Variants in MID1 observed in about 807,000 individuals in gnomAD.
The protein encoded by MID1 is midline 1.
In MID1, 7 loss-of-function variants were observed where a neutral mutation model predicts 40.4. That is an observed-to-expected ratio of 0.17 (90% CI 0.10 to 0.33). The LOEUF (loss-of-function observed/expected upper bound fraction) is 0.33, where lower values mean the gene tolerates loss of function less well. Among genes scored for constraint, MID1 ranks in the 10% least tolerant of loss-of-function variants. MID1 has a pLI of 1.00. For synonymous variants in MID1, 229 were observed against 221.2 expected, an observed-to-expected ratio of 1.04 and a Z score of -0.31; for missense variants, 367 against 558.5, an observed-to-expected ratio of 0.66 and a Z score of 3.46.
At chrX:10,571,858 C>T in intron 1 of MID1, among the ~76,000 whole-genome samples, 1 of 110,016 alleles carries the variant, frequency 9.1e-6, no homozygotes, top group Non-Finnish European at 1.9e-5. Context: ...CAATGCACTA[C>T]AGCCTGGGCA....
chrX:10,814,136 G>A (rs1214061817), intron 1 of MID1, among the ~76,000 whole-genome samples: 1 of 111,470 alleles, frequency 9.0e-6, no homozygotes, highest in African/African-American at 3.3e-5. Context: ...TTAGCTCACA[G>A]GCCATACAAA....
intron 1 of MID1, among the ~76,000 whole-genome samples, chrX:10,636,785 G>GTATATAT (rs1936117506): frequency 4.7e-5 from 2 of 42,719 alleles, no homozygotes; most frequent in African/African-American, 2.4e-4. Context: ...CAACAATGGG[G>GTATATAT]ATATATATAT....
intron 1 of MID1, among the ~76,000 whole-genome samples, chrX:10,581,746 T>A (rs1935024739): frequency 8.9e-6 from 1 of 112,253 alleles, no homozygotes; most frequent in Non-Finnish European, 1.9e-5. Context: ...AGCATTTTTA[T>A]TCTTAACACT....
At chrX:10,510,246 A>G (rs1487212597) in intron 3 of MID1, among the ~76,000 whole-genome samples, 1 of 111,412 alleles carries the variant, frequency 9.0e-6, no homozygotes, top group African/African-American at 3.3e-5. Context: ...CATAGATCTT[A>G]AGGGACAGTT....
At chrX:10,683,889 G>A (rs1214885639) in intron 1 of MID1, among the ~76,000 whole-genome samples, 1 of 98,389 alleles carries the variant, frequency 1.0e-5, no homozygotes, top group Non-Finnish European at 2.0e-5. Context: ...TCCTGCCTCA[G>A]CCTCATGAGT....
chrX:10,805,228 A>T (rs1337686666), intron 1 of MID1, among the ~76,000 whole-genome samples: 5 of 27,392 alleles, frequency 1.8e-4, no homozygotes, highest in Admixed American at 5.1e-4. Context: ...CCCTCCCCCC[A>T]CCCCACAACA....
chrX:10,551,261 T>G (rs1483831984), intron 2 of MID1, among the ~76,000 whole-genome samples: 1 of 112,503 alleles, frequency 8.9e-6, no homozygotes, highest in Non-Finnish European at 1.9e-5. Flanking sequence ...GGTGGTAGAA[T>G]ACACAGATGT....
chrX:10,701,444 T>C (rs2043193570), intron 1 of MID1, among the ~76,000 whole-genome samples: 1 of 111,638 alleles, frequency 9.0e-6, no homozygotes, highest in African/African-American at 3.3e-5. Context: ...ACCCCCATTG[T>C]CTCTTCCCAA....
chrX:10,565,002 TAAAAAAAA>T (rs5901437), intron 2 of MID1, among the ~76,000 whole-genome samples: 1 of 77,940 alleles, frequency 1.3e-5, no homozygotes, highest in Non-Finnish European at 2.5e-5. Context: ...AAAAAAGGGG[TAAAAAAAA>T]AAAAAAAAAA....
intron 1 of MID1, among the ~76,000 whole-genome samples, chrX:10,619,583 C>T (rs1014594696): frequency 4.4e-5 from 5 of 112,527 alleles, no homozygotes; most frequent in African/African-American, 1.6e-4. Context: ...AAGCTATAAA[C>T]CTCTTCCTGG....
At chrX:10,560,271 G>A (rs1163825145) in intron 2 of MID1, among the ~76,000 whole-genome samples, 2 of 109,654 alleles carry the variant, frequency 1.8e-5, no homozygotes, top group African/African-American at 3.3e-5. Context: ...TTTCACTCTC[G>A]GCAAAAAAAA....
At chrX:10,784,605 C>A (rs1453250362) in intron 1 of MID1, among the ~76,000 whole-genome samples, 1 of 108,710 alleles carries the variant, frequency 9.2e-6, no homozygotes, top group African/African-American at 3.4e-5. Flanking sequence ...GCCACCACGC[C>A]CGGCTAATTT....
chrX:10,645,114 C>T (rs769973762), intron 1 of MID1, among the ~76,000 whole-genome samples: 1 of 111,819 alleles, frequency 8.9e-6, no homozygotes, highest in Non-Finnish European at 1.9e-5. Context: ...GTCAGGAGGG[C>T]TCTCTTCAAT....
At chrX:10,770,610 T>A (rs2043758914) in intron 1 of MID1, among the ~76,000 whole-genome samples, 1 of 111,924 alleles carries the variant, frequency 8.9e-6, no homozygotes, top group South Asian at 3.7e-4. Flanking sequence ...CACAGGCTAG[T>A]GTTTACGTAG....
At chrX:10,621,270 G>A (rs1487621083), upstream of MID1, among the ~76,000 whole-genome samples, 4 of 111,698 alleles carry the variant, frequency 3.6e-5, no homozygotes, top group African/African-American at 1.3e-4. Context: ...TTCCCTACAG[G>A]GTTGATCTGT....
chrX:10,604,939 G>C (rs1475456940), intron 1 of MID1, among the ~76,000 whole-genome samples: 1 of 112,510 alleles, frequency 8.9e-6, no homozygotes, highest in Non-Finnish European at 1.9e-5. Flanking sequence ...AAAAATTGAA[G>C]TCTATTTTTT....
At chrX:10,579,793 C>CTT (rs765255047) in intron 1 of MID1, among the ~76,000 whole-genome samples, 3 of 94,961 alleles carry the variant, frequency 3.2e-5, no homozygotes, top group South Asian at 4.9e-4. Context: ...GGGAAGAAGT[C>CTT]TTTTTTTTTT....
Position 10,715,353 on chromosome X carries a change from T to C in MID1, c.-186-94934A>G, listed in dbSNP as rs2043294073. 2.7e-5 allele frequency among the ~76,000 whole-genome samples: 3 copies of C among 112,024 alleles called. No individual in the cohort carries two copies. The South Asian group carries it at 1.1e-3, about 42-fold the overall frequency. On this transcript the variant is annotated intron_variant, in intron 1 of 10. Coordinates refer to the MID1 transcript ENST00000380785. ...AATCGGGTTACTCCCACCCTAATAC[T>C]GTGCTTTTCCAATGGTCTTAGCAAA...
At chrX:10,574,422 T>C (rs1218620515) in intron 1 of MID1, among the ~76,000 whole-genome samples, 1 of 112,232 alleles carries the variant, frequency 8.9e-6, no homozygotes, top group African/African-American at 3.2e-5. Flanking sequence ...GTGAGACCTG[T>C]GTCAGACTTT....
Sources: gnomAD v4.1 joint callset for allele counts (sites outside exome capture counted in the v4.1 genomes callset) on GRCh38, gnomAD v4.1.1 for gene constraint, MANE v1.5 for transcripts, NCBI Gene and HGNC (gene_info 2026-07-23, HGNC 2026-07-21) for gene names.